The following DNM1L variants were observed in gnomAD, a reference collection of about 807,000 sequenced individuals.
The protein encoded by DNM1L is dynamin 1L, also known as dynamin-1-like protein.
Under a neutral mutation model 92.8 loss-of-function variants are expected in DNM1L, and 33 were observed. The observed-to-expected ratio is 0.36, with a 90% CI of 0.27 to 0.48. The LOEUF (loss-of-function observed/expected upper bound fraction) is 0.48, where lower values mean the gene tolerates loss of function less well. Ranked by LOEUF, DNM1L falls within the 20% of genes least tolerant of loss-of-function variation. The pLI is 0.99. For synonymous variants in DNM1L, 284 were observed against 305.0 expected, an observed-to-expected ratio of 0.93 and a Z score of 0.72; for missense variants, 485 against 888.8, an observed-to-expected ratio of 0.55 and a Z score of 5.78.
chr12:32,717,384 A>G (rs553830985), intron 6 of DNM1L, among the ~76,000 whole-genome samples: 1 of 65,270 alleles, frequency 1.5e-5, no homozygotes, highest in African/African-American at 6.8e-5. Flanking sequence ...ACTATATATA[A>G]TATATAGTAT....
At chr12:32,717,879 ATATATT>A (rs1366077050) in intron 6 of DNM1L, among the ~76,000 whole-genome samples, 46 of 110,592 alleles carry the variant, frequency 4.2e-4, no homozygotes, top group African/African-American at 1.5e-3. Context: ...TATATACTAT[ATATATT>A]TATATATACT....
chr12:32,715,669 T>C (rs1268344255), intron 6 of DNM1L, among the ~76,000 whole-genome samples: 1 of 152,016 alleles, frequency 6.6e-6, no homozygotes, highest in Non-Finnish European at 1.5e-5. Flanking sequence ...GAGGCGAAGG[T>C]TACAATGAGC....
At chr12:32,699,223 G>A (rs1353185865) in intron 1 of DNM1L, among the ~76,000 whole-genome samples, 1 of 152,104 alleles carries the variant, frequency 6.6e-6, no homozygotes, top group Non-Finnish European at 1.5e-5. Context: ...GTGTCAAAAT[G>A]TTAATAAGTG....
In DNM1L at chr12:32,707,423, C is replaced by T. The variant is rs1006284926; in HGVS notation, c.297+10C>T. On this transcript the variant is annotated intron_variant, in intron 3 of 19. Coordinates refer to ENST00000549701, the MANE Select transcript of DNM1L (RefSeq NM_012062.5). ...TCACACCAAAAATAAGGTAATCACA[C>T]ATGCATATAATGAAGAAATAATGTT... is the stretch of plus-strand genomic sequence containing the variant. 1.3e-6 allele frequency: 2 copies of T among 1,583,082 alleles called. No individual in the cohort carries two copies. Among genetic ancestry groups the T allele is most frequent in the Non-Finnish European group, 8.6e-7 (1 of 1,162,076 alleles).
At chr12:32,690,488 A>T (rs933730518) in intron 1 of DNM1L, among the ~76,000 whole-genome samples, 6 of 152,268 alleles carry the variant, frequency 3.9e-5, no homozygotes, top group African/African-American at 1.4e-4. Context: ...ATCATCATAT[A>T]TGTGCTGTCT....
intron 15 of DNM1L, 95 bp from the exon 16 acceptor site, chr12:32,738,164 GTAATT>G (rs898894700): frequency 9.2e-6 from 13 of 1,416,310 alleles, no homozygotes; most frequent in Admixed American, 1.8e-5. Context: ...CACAGAAAAA[GTAATT>G]TAAAGAGGAA....
chr12:32,732,868 G>A (rs1351712423), intron 12 of DNM1L, among the ~76,000 whole-genome samples: 6 of 152,242 alleles, frequency 3.9e-5, no homozygotes, highest in Admixed American at 2.0e-4. Flanking sequence ...AAGTCGAGGC[G>A]GGTGGATCAC....
In DNM1L at chr12:32,720,673, A is replaced by G. The variant is rs1319989902; in HGVS notation, c.750A>G (p.Leu250=). The G allele has an allele frequency of 6.2e-7, 1 of 1,613,932 alleles. No individual in the cohort carries two copies. Among genetic ancestry groups the G allele is most frequent in the Admixed American group, 1.7e-5 (1 of 60,028 alleles). The part of the protein sequence containing the change: ...GIIGVVNRSQ[L]DINNKKSVTD... ...ATTTTTTCAACCTCAGGAGCCAGCTAGATATTAACAACAAGAAGAGTGTAA... is the reference window on the plus strand; with the variant it reads ...ATTTTTTCAACCTCAGGAGCCAGCTGGATATTAACAACAAGAAGAGTGTAA... The change falls in exon 8 of 20, where the codon CTA becomes CTG. Residue 250 remains leucine, a synonymous_variant. Transcript: ENST00000549701.
chr12:32,711,157 CACTT>C (rs1217435676), intron 5 of DNM1L, 142 bp downstream of exon 5: 1 of 741,420 alleles, frequency 1.3e-6, no homozygotes, highest in Non-Finnish European at 2.3e-6. Flanking sequence ...CTCCTTGAAA[CACTT>C]TCTTTACTTG....
intron 14 of DNM1L, 142 bp downstream of exon 14, chr12:32,737,303 A>C (rs1954955721): frequency 3.9e-6 from 3 of 778,902 alleles, no homozygotes; most frequent in Non-Finnish European, 6.3e-6. Flanking sequence ...AAGGCATACA[A>C]GTTTAAAATG....
chr12:32,742,520 A>G, intron 18 of DNM1L, 69 bp from the exon 19 acceptor site: 1 of 1,582,866 alleles, frequency 6.3e-7, no homozygotes, highest in East Asian at 2.2e-5. Flanking sequence ...TCATGAGGTT[A>G]GCATCTAAGC....
At chr12:32,725,075 TTTCTTC>T (rs141222358) in intron 9 of DNM1L, among the ~76,000 whole-genome samples, 6 of 151,502 alleles carry the variant, frequency 4.0e-5, no homozygotes, top group Non-Finnish European at 7.4e-5. Context: ...CACTGAAGAT[TTTCTTC>T]TTCTTCTTCT....
At chr12:32,688,371 C>G (rs578171297) in intron 1 of DNM1L, among the ~76,000 whole-genome samples, 9 of 152,110 alleles carry the variant, frequency 5.9e-5, no homozygotes, top group African/African-American at 2.2e-4. Flanking sequence ...GAGGTTTTTT[C>G]TTTTAGCACT....
intron 6 of DNM1L, among the ~76,000 whole-genome samples, chr12:32,718,029 T>C (rs1953612249): frequency 7.9e-6 from 1 of 126,476 alleles, no homozygotes; most frequent in South Asian, 2.3e-4. Context: ...ATATTATAAA[T>C]ATATACTATA....
In DNM1L at chr12:32,731,825, C is replaced by T; in HGVS notation, c.1357-29C>T. On this transcript the variant is annotated intron_variant, in intron 11 of 19. Coordinates refer to ENST00000549701, the MANE Select transcript of DNM1L (RefSeq NM_012062.5). The surrounding 1 kb of genome is among the most constrained non-coding windows in gnomAD (Gnocchi z 5.1). ...ACTTAAAAAAAAAACAAAAAACAAA[C>T]ACGTTTTTCTTTCATCTACCATTTG... 1 of 1,406,470 alleles carries T rather than the reference C, an allele frequency of 7.1e-7. No individual in the cohort carries two copies. Among genetic ancestry groups the T allele is most frequent in the Non-Finnish European group, 9.9e-7 (1 of 1,008,890 alleles). 87.1% of individuals were successfully genotyped at this position (1,406,470 alleles called of 1,614,324 possible). A position where few individuals can be genotyped will look rare whatever the true frequency, so the allele number is the denominator to read the frequency against.
intron 4 of DNM1L, among the ~76,000 whole-genome samples, chr12:32,710,560 A>C (rs1319041928): frequency 1.3e-5 from 2 of 151,626 alleles, no homozygotes; most frequent in Non-Finnish European, 2.9e-5. Flanking sequence ...TTGAGGCTGC[A>C]GTGAGCCATG....
Position 32,731,561 on chromosome 12 carries a change from A to G in DNM1L, c.1356+50A>G, listed in dbSNP as rs753741683. The G allele has an allele frequency of 1.9e-6, 3 of 1,608,114 alleles. No homozygotes were observed. The highest frequency in any genetic ancestry group is 2.5e-6 in the Non-Finnish European group (3 of 1,177,202). On this transcript the variant is annotated intron_variant, in intron 11 of 19. Transcript: ENST00000549701. This position sits in a 1 kb window ranked among gnomAD's most constrained non-coding sequence, Gnocchi z 5.1. ...TTCACATGAACTAGAAAAGGACATG[A>G]AGTGGTGGTTTCACTGGGTGGAAGG...
chr12:32,720,855 G>A, intron 8 of DNM1L, 60 bp downstream of exon 8: 1 of 1,601,174 alleles, frequency 6.2e-7, no homozygotes, highest in Non-Finnish European at 8.5e-7. Context: ...GTGTCTGAGA[G>A]GGTTCATTTT....
intron 18 of DNM1L, among the ~76,000 whole-genome samples, chr12:32,741,851 C>T (rs1026465098): frequency 4.6e-5 from 7 of 152,150 alleles, no homozygotes; most frequent in Non-Finnish European, 1.0e-4. Context: ...GCTATACCAT[C>T]TACGTTTGTG....
Sources: allele counts gnomAD v4.1 joint callset (sites outside exome capture counted in the v4.1 genomes callset), GRCh38; gene constraint gnomAD v4.1.1; non-coding constraint Gnocchi (gnomAD v3.1); transcripts MANE v1.5; gene names NCBI Gene and HGNC (gene_info 2026-07-23, HGNC 2026-07-21).